TARS3: variants seen among roughly 807,000 people sequenced by gnomAD.
TARS3 encodes the protein threonyl-tRNA synthetase 3.
Under a neutral mutation model 103.5 loss-of-function variants are expected in TARS3, and 94 were observed. That is an observed-to-expected ratio of 0.91 (90% confidence interval 0.77 to 1.08). The LOEUF (loss-of-function observed/expected upper bound fraction) is 1.08, where lower values mean the gene tolerates loss of function less well. TARS3 is among the 50% of genes least tolerant of loss of function. The pLI is 0.00. For synonymous variants in TARS3, 416 were observed against 355.4 expected, an observed-to-expected ratio of 1.17 and a Z score of -1.92; for missense variants, 952 against 995.2, an observed-to-expected ratio of 0.96 and a Z score of 0.58.
chr15:101,672,088 G>GGT (rs1897831112), intron 13 of TARS3, among the ~76,000 whole-genome samples: 2 of 152,082 alleles, frequency 1.3e-5, no homozygotes, highest in African/African-American at 2.4e-5. Context: ...TCTGCCTCCT[G>GGT]GTGACGGGCC....
At chr15:101,683,466 T>C (rs1898336664) in intron 12 of TARS3, among the ~76,000 whole-genome samples, 1 of 152,244 alleles carries the variant, frequency 6.6e-6, no homozygotes, top group African/African-American at 2.4e-5. Context: ...CAGAATATGG[T>C]CTATTTTAGT....
At chr15:101,663,284 C>T (rs781062296) in intron 15 of TARS3, among the ~76,000 whole-genome samples, 6 of 152,182 alleles carry the variant, frequency 3.9e-5, no homozygotes, top group African/African-American at 4.8e-5. Context: ...CGCTGGTGTC[C>T]TGCACCCAAG....
At chr15:101,691,132 G>A (rs1370362035) in intron 10 of TARS3, among the ~76,000 whole-genome samples, 1 of 151,182 alleles carries the variant, frequency 6.6e-6, no homozygotes, top group Admixed American at 6.6e-5. Flanking sequence ...GTAGAGATGG[G>A]GTTTCACCGT....
At chr15:101,720,302 C>G (rs1446457746) in intron 3 of TARS3, among the ~76,000 whole-genome samples, 1 of 152,084 alleles carries the variant, frequency 6.6e-6, no homozygotes, top group East Asian at 1.9e-4. Context: ...TATACAATAG[C>G]TTCTATACAA....
intron 3 of TARS3, among the ~76,000 whole-genome samples, chr15:101,718,027 C>G (rs892188102): frequency 6.6e-6 from 1 of 152,130 alleles, no homozygotes; most frequent in African/African-American, 2.4e-5. Flanking sequence ...AACTTGCAGG[C>G]AAACCATGTG....
At chr15:101,670,476 T>C (rs1897751893) in intron 15 of TARS3, among the ~76,000 whole-genome samples, 2 of 152,198 alleles carry the variant, frequency 1.3e-5, no homozygotes, top group African/African-American at 4.8e-5. Context: ...GAAATACTAC[T>C]ACACACCTAT....
At chr15:101,701,922 C>A (rs766489753) in intron 9 of TARS3, among the ~76,000 whole-genome samples, 5 of 152,174 alleles carry the variant, frequency 3.3e-5, no homozygotes, top group African/African-American at 1.2e-4. Context: ...ACTACAAGCG[C>A]GTGCTGCCAC....
At chr15:101,715,381 C>T (rs535419936) in intron 3 of TARS3, among the ~76,000 whole-genome samples, 6 of 152,004 alleles carry the variant, frequency 3.9e-5, no homozygotes, top group Admixed American at 6.5e-5. Context: ...CTCCTGACCT[C>T]GTGATCCGCC....
At chr15:101,720,539 T>C (rs748629064) in intron 3 of TARS3, among the ~76,000 whole-genome samples, 1 of 152,200 alleles carries the variant, frequency 6.6e-6, no homozygotes. Flanking sequence ...TTCTCTCCTA[T>C]ATATTTTTAT....
At chr15:101,669,370 G>A (rs1432103763) in intron 15 of TARS3, among the ~76,000 whole-genome samples, 2 of 152,122 alleles carry the variant, frequency 1.3e-5, no homozygotes, top group Non-Finnish European at 2.9e-5. Flanking sequence ...TGTCAAAAAT[G>A]TATAAAGTAA....
Position 101,654,456 on chromosome 15 carries a change from T to C in TARS3, c.*126A>G. ...TCAGCTACACGTTCATCGTCTCCTT[T>C]CTCAGCTGAGGCCATGAGTGGACCC... On this transcript the variant is annotated 3_prime_UTR_variant, in exon 19 of 19. Coordinates refer to ENST00000335968, the MANE Select transcript of TARS3 (RefSeq NM_152334.3). 1.0e-6 allele frequency: 1 copy of C among 980,526 alleles called. No homozygotes were observed. The allele number at this position is 980,526 out of a possible 1,614,324, so 60.7% of individuals were successfully genotyped here.
intron 12 of TARS3, among the ~76,000 whole-genome samples, chr15:101,682,927 T>C (rs148880110): frequency 1.2e-3 from 184 of 152,336 alleles, no homozygotes; most frequent in African/African-American, 4.2e-3. Flanking sequence ...CATAAAGTTA[T>C]TCATAAAACT....
intron 15 of TARS3, among the ~76,000 whole-genome samples, chr15:101,667,005 C>A (rs1004301549): frequency 6.6e-6 from 1 of 152,178 alleles, no homozygotes; most frequent in Non-Finnish European, 1.5e-5. Context: ...GATCCATGGG[C>A]TGCAGAATGG....
chr15:101,663,112 T>C (rs537093151), intron 15 of TARS3, among the ~76,000 whole-genome samples: 2 of 152,354 alleles, frequency 1.3e-5, no homozygotes, highest in Non-Finnish European at 2.9e-5. Flanking sequence ...TCTATAGTCA[T>C]GTGTTGCCTA....
At position 101,708,908 on chromosome 15, in the gene TARS3, G is replaced by A. The variant is rs753818564; in HGVS notation, c.815C>T (p.Ala272Val). The change falls in exon 6 of 19, where the codon GCA becomes GTA. Residue 272 changes from alanine (A) to valine (V), a missense_variant and splice_region_variant. Ala to Val is a moderately conservative substitution (Grantham distance 64). Transcript: ENST00000335968. ...FYYDMFIEDRAVSSTELSALE... is the reference protein window; with the variant it reads ...FYYDMFIEDRVVSSTELSALE... ...GGCTGACAATTCTGTGCTGGACACTGCTCTAAAAAGAAGAGCAGAGAACCG... is the reference window on the plus strand; with the variant it reads ...GGCTGACAATTCTGTGCTGGACACTACTCTAAAAAGAAGAGCAGAGAACCG... 3 of 1,570,178 alleles carry A rather than the reference G, an allele frequency of 1.9e-6. No individual in the cohort carries two copies. The highest frequency in any genetic ancestry group is 2.6e-6 in the Non-Finnish European group (3 of 1,159,686).
intron 1 of TARS3, among the ~76,000 whole-genome samples, chr15:101,723,413 T>C (rs1305818796): frequency 6.6e-6 from 1 of 152,160 alleles, no homozygotes; most frequent in Non-Finnish European, 1.5e-5. Context: ...TTTAAACAAA[T>C]AATGTGGCTG....
At chr15:101,679,166 G>A (rs1898153449) in intron 12 of TARS3, among the ~76,000 whole-genome samples, 1 of 152,042 alleles carries the variant, frequency 6.6e-6, no homozygotes, top group African/African-American at 2.4e-5. Context: ...TGAATCTGTA[G>A]ATGTCTTTTG....
Position 101,657,961 on chromosome 15 carries a change from C to T in TARS3, c.2073-104G>A, listed in dbSNP as rs528478991. 8 of 693,314 alleles carry T rather than the reference C, an allele frequency of 1.2e-5. No homozygotes were observed. In the Admixed American group the frequency reaches 2.4e-4, roughly 21 times the overall value. The allele number at this position is 693,314 out of a possible 1,614,324, so 42.9% of individuals were successfully genotyped here. A position where few individuals can be genotyped will look rare whatever the true frequency, so the allele number is the denominator to read the frequency against. ...TTCTTTTAAAGACTTCACAAGAGGG[C>T]AGTTTCAGTAGCGCAGCATGGAAGA... On this transcript the variant is annotated intron_variant, in intron 16 of 18. Coordinates refer to ENST00000335968, the MANE Select transcript of TARS3 (RefSeq NM_152334.3).
At chr15:101,708,629 G>A (rs552848856) in intron 6 of TARS3, among the ~76,000 whole-genome samples, 164 bp downstream of exon 6, 1 of 152,280 alleles carries the variant, frequency 6.6e-6, no homozygotes, top group South Asian at 2.1e-4. Context: ...AATAGATGGG[G>A]AGGGAAATGT....
Sources: gnomAD v4.1 joint callset for allele counts (sites outside exome capture counted in the v4.1 genomes callset) on GRCh38, gnomAD v4.1.1 for gene constraint, MANE v1.5 for transcripts, NCBI Gene and HGNC (gene_info 2026-07-23, HGNC 2026-07-21) for gene names.